The following MGMT variants were observed in gnomAD, a reference collection of about 807,000 sequenced individuals.
MGMT encodes the protein O-6-methylguanine-DNA methyltransferase.
A neutral mutation model predicts 15.9 loss-of-function variants in MGMT; 14 were observed. The observed-to-expected ratio is 0.88, with a 90% CI of 0.58 to 1.37. MGMT has a LOEUF of 1.37. MGMT is among the 40% of genes most tolerant of loss of function. MGMT has a pLI of 0.00. For missense variants in MGMT, 282 were observed against 268.1 expected, an observed-to-expected ratio of 1.05 and a Z score of -0.36; for synonymous variants, 130 against 118.2, an observed-to-expected ratio of 1.10 and a Z score of -0.65.
intron 1 of MGMT, among the ~76,000 whole-genome samples, chr10:129,516,425 G>A (rs1453924292): frequency 1.3e-5 from 2 of 152,166 alleles, no homozygotes; most frequent in East Asian, 1.9e-4. Flanking sequence ...GGCGTGGGGT[G>A]GGGTGAAGGG....
At chr10:129,743,239 CCTCA>C (rs1346313913) in intron 3 of MGMT, among the ~76,000 whole-genome samples, 2 of 152,242 alleles carry the variant, frequency 1.3e-5, no homozygotes, top group Non-Finnish European at 2.9e-5. Context: ...TTCGCCATCA[CCTCA>C]CTCAGGAGGG....
chr10:129,536,164 C>A, intron 1 of MGMT, 77 bp from the exon 2 acceptor site: 2 of 1,467,424 alleles, frequency 1.4e-6, no homozygotes, highest in African/African-American at 1.4e-5. Flanking sequence ...CTTAAATAAC[C>A]AGTACTTCTG....
At chr10:129,470,648 A>G (rs1408491955) in intron 1 of MGMT, among the ~76,000 whole-genome samples, 1 of 152,214 alleles carries the variant, frequency 6.6e-6, no homozygotes, top group Non-Finnish European at 1.5e-5. Context: ...GCCAGTCCTC[A>G]GCAGCCTGCG....
intron 2 of MGMT, among the ~76,000 whole-genome samples, chr10:129,632,867 G>A (rs886287786): frequency 2.6e-5 from 4 of 151,480 alleles, no homozygotes; most frequent in Admixed American, 2.0e-4. Flanking sequence ...TAGATACGAC[G>A]GAATGAGTTA....
chr10:129,581,708 G>T (rs1333858556), intron 2 of MGMT, among the ~76,000 whole-genome samples: 1 of 152,194 alleles, frequency 6.6e-6, no homozygotes. Context: ...TCCTAAAGAG[G>T]AAGAGGGCTT....
At chr10:129,522,095 T>TTCCTTGCTCTGAGAAGCC (rs146671233) in intron 1 of MGMT, among the ~76,000 whole-genome samples, 20 of 151,866 alleles carry the variant, frequency 1.3e-4, no homozygotes, top group Middle Eastern at 6.8e-3. Context: ...TGGAGAAGAA[T>TTCCTTGCTCTGAGAAGCC]TGGGTAAGGG....
Position 129,659,790 on chromosome 10 carries a change from A to T in MGMT, c.126-48105A>T, listed in dbSNP as rs1419148906. Reference sequence around the variant, plus strand: ...ACACGAAAACAGAAGTAAAAGTCTAAATTGAACCAAAGTCCTCCTTAAAGA... The same window carrying T: ...ACACGAAAACAGAAGTAAAAGTCTATATTGAACCAAAGTCCTCCTTAAAGA... On this transcript the variant is annotated intron_variant, in intron 2 of 4. Coordinates refer to ENST00000651593, the MANE Select transcript of MGMT (RefSeq NM_002412.5). This position sits in a 1 kb window ranked among gnomAD's most constrained non-coding sequence, Gnocchi z 4.1. Among the ~76,000 whole-genome samples, 1 of 152,238 alleles carries T rather than the reference A, an allele frequency of 6.6e-6. No homozygotes were observed. The highest frequency in any genetic ancestry group is 6.5e-5 in the Admixed American group (1 of 15,288).
chr10:129,693,368 T>C (rs1201840802), intron 2 of MGMT, among the ~76,000 whole-genome samples: 3 of 152,242 alleles, frequency 2.0e-5, no homozygotes, highest in African/African-American at 7.2e-5. Context: ...TTTTCAAGTT[T>C]CTCAAACTGG....
intron 2 of MGMT, among the ~76,000 whole-genome samples, chr10:129,699,292 A>T (rs1260786216): frequency 6.6e-6 from 1 of 152,162 alleles, no homozygotes; most frequent in Admixed American, 6.5e-5. Flanking sequence ...TTTTAAAAAG[A>T]AAAATATATA....
chr10:129,694,902 A>C (rs1423324865), intron 2 of MGMT, among the ~76,000 whole-genome samples: 1 of 152,178 alleles, frequency 6.6e-6, no homozygotes, highest in African/African-American at 2.4e-5. Context: ...AAAAAGTACA[A>C]ATGTTTTCTG....
intron 2 of MGMT, among the ~76,000 whole-genome samples, chr10:129,607,232 A>G (rs1846902461): frequency 6.6e-6 from 1 of 151,710 alleles, no homozygotes; most frequent in African/African-American, 2.4e-5. Context: ...GGAAGAGGGC[A>G]GTCATTTTTT....
chr10:129,731,316 A>G (rs1848494424), intron 3 of MGMT, among the ~76,000 whole-genome samples: 2 of 144,150 alleles, frequency 1.4e-5, no homozygotes, highest in Non-Finnish European at 3.0e-5. Context: ...GATAAGGGCT[A>G]TATTGTGCAC....
chr10:129,732,588 G>C, intron 3 of MGMT, among the ~76,000 whole-genome samples: 1 of 148,632 alleles, frequency 6.7e-6, no homozygotes. Flanking sequence ...TTAAGTTTTA[G>C]GGTGCATGTG....
At chr10:129,527,165 T>C (rs1845879636) in intron 1 of MGMT, among the ~76,000 whole-genome samples, 1 of 152,172 alleles carries the variant, frequency 6.6e-6, no homozygotes, top group African/African-American at 2.4e-5. Context: ...TGTGTTGTCG[T>C]CCCTGTGCAA....
chr10:129,633,305 C>A (rs1249554211), intron 2 of MGMT, among the ~76,000 whole-genome samples: 1 of 152,216 alleles, frequency 6.6e-6, no homozygotes, highest in African/African-American at 2.4e-5. Flanking sequence ...CTGACACATG[C>A]TCTCACCAAA....
In MGMT at chr10:129,754,377, A is replaced by G. The variant is rs11016912; in HGVS notation, c.275-4825A>G. On this transcript the variant is annotated intron_variant, in intron 3 of 4. Transcript: ENST00000651593. ...GAAGACAGAGGTAAAGAGCAAAGAC[A>G]TTTCGCCCACCTCTTAGGGGGAGCA... is the stretch of plus-strand genomic sequence containing the variant. Among the ~76,000 whole-genome samples the G allele has an allele frequency of 2.0e-4, 31 of 152,198 alleles. No homozygotes were observed. In the East Asian group the frequency reaches 5.2e-3, roughly 26 times the overall value.
intron 2 of MGMT, among the ~76,000 whole-genome samples, chr10:129,610,444 T>C (rs1466007519): frequency 1.3e-5 from 2 of 152,252 alleles, no homozygotes; most frequent in African/African-American, 4.8e-5. Context: ...GGCCTTGGCA[T>C]GTGCCTGGAA....
intron 4 of MGMT, among the ~76,000 whole-genome samples, chr10:129,761,980 T>C (rs145561097): frequency 8.1e-4 from 124 of 152,298 alleles, no homozygotes; most frequent in African/African-American, 2.7e-3. Context: ...ATGGTTCAGG[T>C]TGACAGCCTC....
intron 2 of MGMT, among the ~76,000 whole-genome samples, chr10:129,545,617 T>C (rs1846090506): frequency 6.6e-6 from 1 of 152,218 alleles, no homozygotes; most frequent in Non-Finnish European, 1.5e-5. Flanking sequence ...AGGATGCCAT[T>C]GCATCTCGGG....
Sources: allele counts gnomAD v4.1 joint callset (sites outside exome capture counted in the v4.1 genomes callset), GRCh38; gene constraint gnomAD v4.1.1; non-coding constraint Gnocchi (gnomAD v3.1); transcripts MANE v1.5; gene names NCBI Gene and HGNC (gene_info 2026-07-23, HGNC 2026-07-21).